The following ITGA8 variants were observed in gnomAD, a reference collection of about 807,000 sequenced individuals.
ITGA8 encodes the protein integrin subunit alpha 8.
A neutral mutation model predicts 142.3 loss-of-function variants in ITGA8; 91 were observed. The observed-to-expected ratio is 0.64, with a 90% CI of 0.54 to 0.76. ITGA8 has a LOEUF of 0.76. Among genes scored for constraint, ITGA8 ranks in the 30% least tolerant of loss-of-function variants. The pLI is 0.00. For missense variants in ITGA8, 1,406 were observed against 1,327.7 expected, an observed-to-expected ratio of 1.06 and a Z score of -0.92; for synonymous variants, 505 against 485.2, an observed-to-expected ratio of 1.04 and a Z score of -0.54.
At chr10:15,565,551 A>T (rs1221143780) in intron 25 of ITGA8, among the ~76,000 whole-genome samples, 1 of 132,244 alleles carries the variant, frequency 7.6e-6, no homozygotes, top group East Asian at 2.2e-4. Flanking sequence ...ATACTAAATA[A>T]TCTTCTTCCT....
At chr10:15,684,999 C>T (rs1341939708) in intron 3 of ITGA8, among the ~76,000 whole-genome samples, 1 of 152,160 alleles carries the variant, frequency 6.6e-6, no homozygotes, top group East Asian at 1.9e-4. Context: ...TCCATTTTCA[C>T]AGTGTTTTTG....
chr10:15,606,553 C>T (rs1365447219), intron 17 of ITGA8, 131 bp from the exon 18 acceptor site: 3 of 854,188 alleles, frequency 3.5e-6, no homozygotes, highest in Non-Finnish European at 5.4e-6. Flanking sequence ...TTGCAGCAGG[C>T]TTAGATGGAG....
At chr10:15,709,496 G>A (rs1306537472) in intron 2 of ITGA8, among the ~76,000 whole-genome samples, 1 of 152,154 alleles carries the variant, frequency 6.6e-6, no homozygotes, top group Non-Finnish European at 1.5e-5. Context: ...AACAGAGCAA[G>A]AACTAAACAC....
rs1271262837 is a variant in ITGA8, at chr10:15,542,504, T to C, written c.2880+5951A>G. 2.0e-5 allele frequency among the ~76,000 whole-genome samples: 3 copies of C among 152,346 alleles called. No individual in the cohort carries two copies. In the East Asian group the frequency reaches 5.8e-4, roughly 29 times the overall value. On this transcript the variant is annotated intron_variant, in intron 27 of 29. Coordinates refer to ENST00000378076, the MANE Select transcript of ITGA8 (RefSeq NM_003638.3). ...GATTCTGAAATAGCATGCTATACAATTTAAATATCTTGAAAAATTTTAATA... is the reference window on the plus strand; with the variant it reads ...GATTCTGAAATAGCATGCTATACAACTTAAATATCTTGAAAAATTTTAATA...
chr10:15,635,206 C>T (rs866707487), intron 13 of ITGA8, among the ~76,000 whole-genome samples: 2 of 151,902 alleles, frequency 1.3e-5, no homozygotes, highest in South Asian at 4.2e-4. Flanking sequence ...AGGGTTTCAC[C>T]ATGTTGGCCA....
At chr10:15,547,202 G>T (rs1352846055) in intron 27 of ITGA8, among the ~76,000 whole-genome samples, 2 of 152,124 alleles carry the variant, frequency 1.3e-5, no homozygotes, top group Non-Finnish European at 2.9e-5. Context: ...TTGTAACACA[G>T]CAGTATCATT....
Position 15,671,640 on chromosome 10 carries a change from T to A in ITGA8, c.810A>T (p.Ser270=). Residue 270 remains serine (S), a synonymous_variant, in exon 8 of 30, where the codon TCA becomes TCT. Coordinates refer to ENST00000378076, the MANE Select transcript of ITGA8 (RefSeq NM_003638.3). ...ASYDDSYLGY[S]VAAGEFTGDS... ...CCCCAGTAAACTCCCCAGCAGCAAC[T>A]GAGTATCCTGTTTTAAAGAAAAAGA... is the stretch of plus-strand genomic sequence containing the variant. The A allele has an allele frequency of 6.2e-7, 1 of 1,612,112 alleles. No homozygotes were observed. Among genetic ancestry groups the A allele is most frequent in the Non-Finnish European group, 8.5e-7 (1 of 1,178,360 alleles).
chr10:15,616,614 T>A, intron 13 of ITGA8, 55 bp from the exon 14 acceptor site: 2 of 1,481,372 alleles, frequency 1.4e-6, no homozygotes, highest in Non-Finnish European at 1.9e-6. Context: ...AACAATTTAC[T>A]AAGTTCAAAA....
intron 6 of ITGA8, among the ~76,000 whole-genome samples, chr10:15,674,633 C>A (rs905916665): frequency 6.6e-6 from 1 of 152,032 alleles, no homozygotes; most frequent in African/African-American, 2.4e-5. Flanking sequence ...AGTTTATATA[C>A]AATTTTATCA....
At position 15,607,683 on chromosome 10, in the gene ITGA8, G is replaced by A; in HGVS notation, c.1758C>T (p.Tyr586=). The A allele has an allele frequency of 6.2e-7, 1 of 1,613,754 alleles. No homozygotes were observed. Among genetic ancestry groups the A allele is most frequent in the South Asian group, 1.1e-5 (1 of 91,056 alleles). The change falls in exon 17 of 30, where the codon TAC becomes TAT. Residue 586 remains tyrosine (Y), a synonymous_variant. Transcript: ENST00000378076. ...KSHQCQDFIV[Y]LRDETEFRDK... ...GTCTTTCTGGAATACTTACTCGAAG[G>A]TAAACGATGAAATCCTGGCACTGGT... is the stretch of plus-strand genomic sequence containing the variant.
chr10:15,694,709 A>G (rs1835019448), intron 2 of ITGA8, among the ~76,000 whole-genome samples: 1 of 141,456 alleles, frequency 7.1e-6, no homozygotes, highest in Non-Finnish European at 1.5e-5. Flanking sequence ...ATATGTCGAC[A>G]TATGTATTTC....
At chr10:15,694,768 C>A (rs953842212) in intron 2 of ITGA8, among the ~76,000 whole-genome samples, 2 of 141,890 alleles carry the variant, frequency 1.4e-5, no homozygotes, top group Admixed American at 7.3e-5. Flanking sequence ...TTCAAAAGAA[C>A]CCCCCAGACA....
intron 13 of ITGA8, 49 bp from the exon 14 acceptor site, chr10:15,616,608 A>T (rs774650469): frequency 1.3e-5 from 20 of 1,505,080 alleles, no homozygotes; most frequent in Non-Finnish European, 1.8e-5. Flanking sequence ...TATAGAAACA[A>T]TTTACTAAGT....
At chr10:15,662,015 G>A (rs1834296800) in intron 8 of ITGA8, among the ~76,000 whole-genome samples, 2 of 152,152 alleles carry the variant, frequency 1.3e-5, no homozygotes, top group Non-Finnish European at 1.5e-5. Flanking sequence ...AGAGGATTGG[G>A]CCATTTGAGA....
At chr10:15,671,545 G>T in intron 8 of ITGA8, 58 bp downstream of exon 8, 2 of 1,413,458 alleles carry the variant, frequency 1.4e-6, no homozygotes, top group Non-Finnish European at 2.0e-6. Context: ...AACTTTATAT[G>T]CCATTTTACC....
intron 27 of ITGA8, among the ~76,000 whole-genome samples, chr10:15,533,964 T>C (rs1470050767): frequency 6.6e-6 from 1 of 151,934 alleles, no homozygotes; most frequent in African/African-American, 2.4e-5. Flanking sequence ...TAGAGTGCAA[T>C]GGTGTGATCT....
intron 27 of ITGA8, among the ~76,000 whole-genome samples, chr10:15,537,941 G>C (rs925459288): frequency 1.8e-4 from 27 of 150,954 alleles, no homozygotes; most frequent in African/African-American, 6.4e-4. Context: ...AGCACAGTGA[G>C]ACTTCATCTC....
At chr10:15,576,237 A>G (rs1834294902) in intron 23 of ITGA8, among the ~76,000 whole-genome samples, 1 of 152,188 alleles carries the variant, frequency 6.6e-6, no homozygotes. Context: ...GGTCTTATAG[A>G]TATCTCAAGT....
intron 13 of ITGA8, among the ~76,000 whole-genome samples, chr10:15,616,821 A>C (rs760144437): frequency 2.0e-5 from 3 of 152,200 alleles, no homozygotes; most frequent in African/African-American, 4.8e-5. Flanking sequence ...TCATCATCGC[A>C]TCACTTTTCC....
Sources: allele counts gnomAD v4.1 joint callset (sites outside exome capture counted in the v4.1 genomes callset), GRCh38; gene constraint gnomAD v4.1.1; transcripts MANE v1.5; gene names NCBI Gene and HGNC (gene_info 2026-07-23, HGNC 2026-07-21).